The following PTPRJ variants were observed in gnomAD, a reference collection of about 807,000 sequenced individuals.
The protein encoded by PTPRJ is protein tyrosine phosphatase receptor type J, also known as receptor-type tyrosine-protein phosphatase eta.
A neutral mutation model predicts 141.3 loss-of-function variants in PTPRJ; 129 were observed. That is an observed-to-expected ratio of 0.91 (90% CI 0.79 to 1.06). The LOEUF (loss-of-function observed/expected upper bound fraction) is 1.06. PTPRJ is among the 50% of genes least tolerant of loss of function. PTPRJ has a pLI of 0.00. For synonymous variants in PTPRJ, 610 were observed against 640.5 expected (o/e 0.95, Z 0.72); for missense variants, 1,601 against 1,679.7 (o/e 0.95, Z 0.82).
chr11:48,039,903 C>A (rs969988546), intron 1 of PTPRJ, among the ~76,000 whole-genome samples: 1 of 152,110 alleles, frequency 6.6e-6, no homozygotes, highest in Non-Finnish European at 1.5e-5. Context: ...ATTCTTCTGC[C>A]TCAGCCTCCC....
Position 48,159,938 on chromosome 11 carries a change from TG to T in PTPRJ, c.3448del (p.Glu1150ArgfsTer15), listed in dbSNP as rs754172142. Reference protein sequence around the residue: ...KCVEQGRTKCEEYWPSKQAQD... With the variant: ...KCVEQGRTKCXEYWPSKQAQD... ...ATGCAATTTTGTTCTAGACCAAATGTGAGGAGTATTGGCCCTCCAAGCAGGC... is the reference window on the plus strand; with the variant it reads ...ATGCAATTTTGTTCTAGACCAAATGTAGGAGTATTGGCCCTCCAAGCAGGC... On this transcript the variant is annotated frameshift_variant, in exon 22 of 25. Transcript: ENST00000418331. LOFTEE classifies it high-confidence loss of function. 6.2e-7 allele frequency: 1 copy of T among 1,613,964 alleles called. No individual in the cohort carries two copies. The highest frequency in any genetic ancestry group is 8.5e-7 in the Non-Finnish European group (1 of 1,179,900).
chr11:48,092,245 A>C (rs1449625730), intron 1 of PTPRJ, among the ~76,000 whole-genome samples: 2 of 137,116 alleles, frequency 1.5e-5, no homozygotes, highest in African/African-American at 5.6e-5. Context: ...CAGTGAGCCG[A>C]CATCGCGCCA....
chr11:47,991,576 T>C (rs772459731), intron 1 of PTPRJ, among the ~76,000 whole-genome samples: 2 of 152,198 alleles, frequency 1.3e-5, no homozygotes, highest in Non-Finnish European at 2.9e-5. Flanking sequence ...TTCATGTCGT[T>C]GTGTCATGGG....
At chr11:48,003,246 A>G (rs935956270) in intron 1 of PTPRJ, among the ~76,000 whole-genome samples, 1 of 152,182 alleles carries the variant, frequency 6.6e-6, no homozygotes, top group Non-Finnish European at 1.5e-5. Context: ...GCAGTAGCCA[A>G]TTTTTCACCA....
intron 1 of PTPRJ, among the ~76,000 whole-genome samples, chr11:48,006,513 G>A (rs552927183): frequency 1.2e-4 from 19 of 152,270 alleles, no homozygotes; most frequent in African/African-American, 4.6e-4. Context: ...CCAGTGAGCT[G>A]GTTATAATCC....
chr11:48,133,420 G>T (rs955485748), intron 8 of PTPRJ, among the ~76,000 whole-genome samples: 9 of 152,084 alleles, frequency 5.9e-5, no homozygotes, highest in Non-Finnish European at 1.0e-4. Context: ...CAAAGGACCC[G>T]TTTCATTCAA....
chr11:48,160,827 G>A (rs1280039901), intron 22 of PTPRJ, among the ~76,000 whole-genome samples: 1 of 152,082 alleles, frequency 6.6e-6, no homozygotes, highest in East Asian at 1.9e-4. Context: ...AGCTTTTGTA[G>A]CTTTTGCAGA....
At chr11:48,167,124 A>T in intron 24 of PTPRJ, 80 bp from the exon 25 acceptor site, 3 of 1,371,010 alleles carry the variant, frequency 2.2e-6, no homozygotes, top group Non-Finnish European at 2.0e-6. Context: ...CGGGGGAATG[A>T]CCTGTTTGAA....
intron 1 of PTPRJ, among the ~76,000 whole-genome samples, chr11:48,097,305 T>C (rs1334095744): frequency 1.3e-5 from 2 of 152,186 alleles, no homozygotes; most frequent in African/African-American, 4.8e-5. Flanking sequence ...AGGTAGGGGA[T>C]GACAACATGG....
intron 1 of PTPRJ, among the ~76,000 whole-genome samples, chr11:48,004,480 G>C (rs1464647379): frequency 6.6e-6 from 1 of 152,186 alleles, no homozygotes; most frequent in Non-Finnish European, 1.5e-5. Flanking sequence ...AGGAAAACAG[G>C]CTGGTCCAGG....
At chr11:47,997,847 T>C (rs1380347658) in intron 1 of PTPRJ, among the ~76,000 whole-genome samples, 1 of 138,782 alleles carries the variant, frequency 7.2e-6, no homozygotes, top group Non-Finnish European at 1.5e-5. Context: ...TTAGAGTGTT[T>C]AGAGGCCTCA....
Position 48,125,707 on chromosome 11 carries a change from C to T in PTPRJ, c.1093+521C>T, listed in dbSNP as rs149384113. On this transcript the variant is annotated intron_variant, in intron 6 of 24. Coordinates refer to ENST00000418331, the MANE Select transcript of PTPRJ (RefSeq NM_002843.4). ...TATTTGGAGGCTTTGGTGAAAAGAG[C>T]GGGAGGTGAACACATTTGGGAATAC... Among the ~76,000 whole-genome samples, 655 of 152,246 alleles carry T rather than the reference C, an allele frequency of 4.3e-3. 3 individuals are homozygous for T. Among genetic ancestry groups the T allele is most frequent in the Non-Finnish European group, 4.3e-3 (292 of 68,022 alleles).
chr11:48,057,963 G>C (rs1854804772), intron 1 of PTPRJ, among the ~76,000 whole-genome samples: 1 of 151,476 alleles, frequency 6.6e-6, no homozygotes, highest in South Asian at 2.1e-4. Flanking sequence ...CCAGGCTGGA[G>C]TGCAATGGCA....
At position 47,980,765 on chromosome 11, in the gene PTPRJ, C is replaced by A; in HGVS notation, c.-148C>A. Reference sequence around the variant, plus strand: ...CCGCTGCCATGTCTCCGGGGAAGCCCGGGGCGGGCGGAGCGGGGACGAGGC... The same window carrying A: ...CCGCTGCCATGTCTCCGGGGAAGCCAGGGGCGGGCGGAGCGGGGACGAGGC... On this transcript the variant is annotated 5_prime_UTR_variant, in exon 1 of 25. Coordinates refer to ENST00000418331, the MANE Select transcript of PTPRJ (RefSeq NM_002843.4). The A allele has an allele frequency of 9.8e-7, 1 of 1,022,314 alleles. No homozygotes were observed. Among genetic ancestry groups the A allele is most frequent in the Non-Finnish European group, 1.2e-6 (1 of 856,688 alleles). The allele number at this position is 1,022,314 out of a possible 1,614,324, so 63.3% of individuals were successfully genotyped here.
chr11:48,142,798 G>A (rs972386008), intron 11 of PTPRJ, 121 bp from the exon 12 acceptor site: 9 of 1,243,658 alleles, frequency 7.2e-6, no homozygotes, highest in Non-Finnish European at 9.7e-6. Flanking sequence ...TGTTTTGCAC[G>A]AGCCCAGCAT....
At chr11:48,033,173 C>T (rs1433794195) in intron 1 of PTPRJ, among the ~76,000 whole-genome samples, 1 of 152,066 alleles carries the variant, frequency 6.6e-6, no homozygotes, top group Non-Finnish European at 1.5e-5. Flanking sequence ...GAAAGCCCCT[C>T]CTGGTGGGGG....
At chr11:48,096,769 G>A (rs1856015325) in intron 1 of PTPRJ, 1 of 138,824 alleles carries the variant, frequency 7.2e-6, no homozygotes, top group African/African-American at 2.7e-5. Context: ...ACTTTGGAGA[G>A]GGTTTTGAGT....
intron 1 of PTPRJ, among the ~76,000 whole-genome samples, chr11:48,044,121 C>T (rs149329475): frequency 1.1e-4 from 17 of 152,368 alleles, no homozygotes; most frequent in Admixed American, 2.0e-4. Flanking sequence ...CATGAGGAAG[C>T]TCTGATGCTC....
chr11:48,134,829 T>G (rs1857051742), intron 8 of PTPRJ, among the ~76,000 whole-genome samples: 1 of 152,112 alleles, frequency 6.6e-6, no homozygotes, highest in African/African-American at 2.4e-5. Context: ...TGTGGGAGAT[T>G]CCATTTCTGA....
Sources: gnomAD v4.1 joint callset for allele counts (sites outside exome capture counted in the v4.1 genomes callset) on GRCh38, gnomAD v4.1.1 for gene constraint, MANE v1.5 for transcripts, NCBI Gene and HGNC (gene_info 2026-07-23, HGNC 2026-07-21) for gene names.